Variants in NUTM2F observed in about 807,000 individuals in gnomAD.
NUTM2F encodes the protein family with sequence similarity 22, member F.
Under a neutral mutation model 43.3 loss-of-function variants are expected in NUTM2F, and 22 were observed. The observed-to-expected ratio is 0.51, with a 90% CI of 0.36 to 0.73. NUTM2F has a LOEUF of 0.73. Among genes scored for constraint, NUTM2F ranks in the 30% least tolerant of loss-of-function variants. NUTM2F has a pLI of 0.00. For missense variants in NUTM2F, 488 were observed against 927.4 expected, an observed-to-expected ratio of 0.53 and a Z score of 6.15; for synonymous variants, 202 against 389.0, an observed-to-expected ratio of 0.52 and a Z score of 5.66.
At position 94,325,846 on chromosome 9, in the gene NUTM2F, G is replaced by A. The variant is rs1245186281; in HGVS notation, c.105C>T (p.Pro35=). ...FTALPFATPA[P]GPAHRPPLVT... ...CGAGGGGCGGCCTGTGTGCTGGGCC[G>A]GGAGCGGGTGTGGCAAAGGGCAGAG... Residue 35 remains proline, a synonymous_variant, in exon 2 of 7, where the codon CCC becomes CCT. Transcript: ENST00000253262. 12 of 1,611,924 alleles carry A rather than the reference G, an allele frequency of 7.4e-6. No individual in the cohort carries two copies. The highest frequency in any genetic ancestry group is 2.2e-5 in the East Asian group (1 of 44,874).
intron 2 of NUTM2F, among the ~76,000 whole-genome samples, chr9:94,322,539 C>G (rs1352053877): frequency 5.9e-5 from 9 of 152,006 alleles, no homozygotes; most frequent in African/African-American, 2.2e-4. Flanking sequence ...GACTGCCTCT[C>G]AAGTCCTCGG....
chr9:94,326,319 C>T (rs1282683734), intron 1 of NUTM2F, among the ~76,000 whole-genome samples: 4 of 151,786 alleles, frequency 2.6e-5, no homozygotes, highest in Admixed American at 6.6e-5. Context: ...GGGCCTACCC[C>T]AGGGCAGTGC....
intron 2 of NUTM2F, among the ~76,000 whole-genome samples, chr9:94,322,753 A>G (rs1214370234): frequency 6.6e-6 from 1 of 151,880 alleles, no homozygotes; most frequent in Non-Finnish European, 1.5e-5. Context: ...CTCAGCCACA[A>G]GAGCACACAG....
intron 3 of NUTM2F, 145 bp downstream of exon 3, chr9:94,322,056 C>A (rs1831376058): frequency 6.8e-7 from 1 of 1,460,636 alleles, no homozygotes; most frequent in Admixed American, 1.9e-5. Context: ...GGAGCAGCTT[C>A]CTGAGGGAGC....
At chr9:94,321,276 C>G in intron 3 of NUTM2F, 44 bp from the exon 4 acceptor site, 1 of 1,554,732 alleles carries the variant, frequency 6.4e-7, no homozygotes, top group South Asian at 1.2e-5. Flanking sequence ...GGGTCCAGGC[C>G]CCCTCCCCCC....
Position 94,322,322 on chromosome 9 carries a change from G to C in NUTM2F, c.721C>G (p.Leu241Val), listed in dbSNP as rs769950535. 6 of 1,611,950 alleles carry C rather than the reference G, an allele frequency of 3.7e-6. No homozygotes were observed. The highest frequency in any genetic ancestry group is 1.1e-5 in the South Asian group (1 of 90,984). The change falls in exon 3 of 7, where the codon CTC (leucine) becomes GTC (valine). Residue 241 changes from leucine to valine, a missense_variant. Transcript: ENST00000253262. ...GGCTTCCGCCGGGCCAGGGATCGGA[G>C]AACTGGGCTGTAAACCAGTGCAGTC... ...EALSCFLIPVLRSLARRKPTM... is the reference protein window; with the variant it reads ...EALSCFLIPVVRSLARRKPTM...
chr9:94,325,710 C>T lies in NUTM2F; in HGVS notation c.241G>A (p.Val81Ile), dbSNP rs550162263. 2.2e-5 allele frequency: 36 copies of T among 1,611,612 alleles called. No homozygotes were observed. Among genetic ancestry groups the T allele is most frequent in the African/African-American group, 8.0e-5 (6 of 74,960 alleles). The change falls in exon 2 of 7, where the codon GTC (valine) becomes ATC (isoleucine). Residue 81 changes from valine to isoleucine, a missense_variant. Coordinates refer to ENST00000253262, the MANE Select transcript of NUTM2F (RefSeq NM_017561.2). ...ACTTCTGTCCTCATCTGGACAAAGACGTTGGAAGCCCCGGCCCCACTCGGG... is the reference window on the plus strand; with the variant it reads ...ACTTCTGTCCTCATCTGGACAAAGATGTTGGAAGCCCCGGCCCCACTCGGG... ...RGPSGAGASN[V>I]FVQMRTEVGP...
At chr9:94,325,038 G>A (rs527790802) in intron 2 of NUTM2F, among the ~76,000 whole-genome samples, 200 bp downstream of exon 2, 2 of 141,310 alleles carry the variant, frequency 1.4e-5, no homozygotes, top group South Asian at 4.8e-4. Flanking sequence ...ACAGTGACAG[G>A]CAGTTGACGT....
chr9:94,319,706 T>G lies in NUTM2F; in HGVS notation c.1392A>C (p.Arg464=). The change falls in exon 6 of 7, where the codon CGA becomes CGC. Residue 464 remains arginine (R), a synonymous_variant. Transcript: ENST00000253262. ...CTGGGGAAAGCAATTCTTCCAGGAA[T>G]CGGGGGTGAATGACGGCCTCCACCT... The part of the protein sequence containing the change: ...VTKVEAVIHP[R]FLEELLSPDP... The G allele has an allele frequency of 6.2e-7, 1 of 1,611,380 alleles. No homozygotes were observed. The highest frequency in any genetic ancestry group is 1.1e-5 in the South Asian group (1 of 90,970).
intron 2 of NUTM2F, among the ~76,000 whole-genome samples, chr9:94,322,767 G>A (rs1831395409): frequency 6.6e-6 from 1 of 151,966 alleles, no homozygotes; most frequent in African/African-American, 2.4e-5. Context: ...CACACAGCCA[G>A]AGGCAGCTCT....
At chr9:94,324,628 A>G (rs1298000776) in intron 2 of NUTM2F, among the ~76,000 whole-genome samples, 3 of 148,662 alleles carry the variant, frequency 2.0e-5, no homozygotes, top group Non-Finnish European at 4.4e-5. Context: ...GCGCCACTGC[A>G]CTCCAGCCTG....
Position 94,320,639 on chromosome 9 carries a change from C to T in NUTM2F, c.983-46G>A. 2 of 1,521,110 alleles carry T rather than the reference C, an allele frequency of 1.3e-6. No individual in the cohort carries two copies. The highest frequency in any genetic ancestry group is 1.2e-5 in the South Asian group (1 of 84,114). The allele number at this position is 1,521,110 out of a possible 1,614,324, so 94.2% of individuals were successfully genotyped here. On this transcript the variant is annotated intron_variant, in intron 4 of 6. Coordinates refer to ENST00000253262, the MANE Select transcript of NUTM2F (RefSeq NM_017561.2). The surrounding 1 kb of genome is among the most constrained non-coding windows in gnomAD (Gnocchi z 4.5). ...GATGGGTGTGGTGAGGGCCGCTCCTCCTGCCTGCACCACACAGGGGAGGGC... is the reference window on the plus strand; with the variant it reads ...GATGGGTGTGGTGAGGGCCGCTCCTTCTGCCTGCACCACACAGGGGAGGGC...
Position 94,321,213 on chromosome 9 carries a change from C to T in NUTM2F, c.862G>A (p.Glu288Lys), listed in dbSNP as rs535474674. 25 of 1,579,260 alleles carry T rather than the reference C, an allele frequency of 1.6e-5. No individual in the cohort carries two copies. In the African/African-American group the frequency reaches 3.1e-4, roughly 19 times the overall value. ...MAEKFLEFEA[E>K]EEMQIQKSQW... ...GATTTCTGAATCTGCATCTCCTCCTCAGCCTCAAATTCCAGGAACCTGTGG... is the reference window on the plus strand; with the variant it reads ...GATTTCTGAATCTGCATCTCCTCCTTAGCCTCAAATTCCAGGAACCTGTGG... Residue 288 changes from glutamate (E) to lysine (K), a missense_variant, in exon 4 of 7, where the codon GAG becomes AAG. Glu to Lys is a moderately conservative substitution (Grantham distance 56). Coordinates refer to ENST00000253262, the MANE Select transcript of NUTM2F (RefSeq NM_017561.2).
Position 94,318,276 on chromosome 9 carries a change from T to TTC in NUTM2F, c.*187_*188dup. 1 of 143,760 alleles carries TTC rather than the reference T, an allele frequency of 7.0e-6. No homozygotes were observed. Among genetic ancestry groups the TTC allele is most frequent in the South Asian group, 3.6e-5 (1 of 27,822 alleles). The allele number at this position is 143,760 out of a possible 1,614,324, so 8.9% of individuals were successfully genotyped here. On this transcript the variant is annotated 3_prime_UTR_variant, in exon 7 of 7. Coordinates refer to ENST00000253262, the MANE Select transcript of NUTM2F (RefSeq NM_017561.2). ...TGCTTCCCACCCCCCAGGCCCTCCC[T>TTC]TCCTGCCCTCCCCGTTCAGCCACCT... is the stretch of plus-strand genomic sequence containing the variant.
In NUTM2F at chr9:94,325,829, G is replaced by A. The variant is rs573696663; in HGVS notation, c.122C>T (p.Pro41Leu). Residue 41 changes from proline (P) to leucine (L), a missense_variant, in exon 2 of 7, where the codon CCG becomes CTG. Physicochemically the swap from Pro to Leu is moderately conservative, Grantham distance 98. Coordinates refer to ENST00000253262, the MANE Select transcript of NUTM2F (RefSeq NM_017561.2). ...ATPAPGPAHRPPLVTAVVPPA... is the reference protein window; with the variant it reads ...ATPAPGPAHRLPLVTAVVPPA... ...AGGAACCACTGCAGTCACGAGGGGC[G>A]GCCTGTGTGCTGGGCCGGGAGCGGG... 1.8e-5 allele frequency: 29 copies of A among 1,612,138 alleles called. No homozygotes were observed. The highest frequency in any genetic ancestry group is 1.8e-4 in the South Asian group (16 of 91,006).
intron 3 of NUTM2F, 46 bp downstream of exon 3, chr9:94,322,155 C>T (rs1831380030): frequency 1.2e-6 from 2 of 1,611,270 alleles, no homozygotes; most frequent in Non-Finnish European, 1.7e-6. Context: ...CTGTCATTCA[C>T]TCTCACCCCG....
chr9:94,323,928 G>A (rs1361014939), intron 2 of NUTM2F, among the ~76,000 whole-genome samples: 2 of 152,116 alleles, frequency 1.3e-5, no homozygotes, highest in East Asian at 3.9e-4. Context: ...ATGTGCCCCT[G>A]GCCATTGACA....
Position 94,320,729 on chromosome 9 carries a change from G to A in NUTM2F, c.983-136C>T. On this transcript the variant is annotated intron_variant, in intron 4 of 6. Transcript: ENST00000253262. The surrounding 1 kb of genome is among the most constrained non-coding windows in gnomAD (Gnocchi z 4.5). ...ACCACCTGAACCACAGCGCCCCGGA[G>A]GAGACGCCACAGGAGGGGCACATCT... is the stretch of plus-strand genomic sequence containing the variant. 1.5e-6 allele frequency: 2 copies of A among 1,367,138 alleles called. No homozygotes were observed. The highest frequency in any genetic ancestry group is 1.9e-6 in the Non-Finnish European group (2 of 1,026,060). The allele number at this position is 1,367,138 out of a possible 1,614,324, so 84.7% of individuals were successfully genotyped here.
At position 94,321,106 on chromosome 9, in the gene NUTM2F, C is replaced by T. The variant is rs775248821; in HGVS notation, c.969G>A (p.Val323=). 1.0e-5 allele frequency: 16 copies of T among 1,550,274 alleles called. No homozygotes were observed. In the South Asian group the frequency reaches 1.8e-4, roughly 17 times the overall value. ...LEPRGPPAPE[V]VKQPVYLPSK... ...GGGAAGCTGTACCTGGCTGCTTGAC[C>T]ACCTCAGGGGCAGGGGGTCCTCGAG... Residue 323 remains valine, a synonymous_variant, in exon 4 of 7, where the codon GTG becomes GTA. Transcript: ENST00000253262.
Sources: allele counts gnomAD v4.1 joint callset (sites outside exome capture counted in the v4.1 genomes callset), GRCh38; gene constraint gnomAD v4.1.1; non-coding constraint Gnocchi (gnomAD v3.1); transcripts MANE v1.5; gene names NCBI Gene and HGNC (gene_info 2026-07-23, HGNC 2026-07-21).